Variants in SERGEF observed in about 807,000 individuals in gnomAD.
SERGEF encodes the protein secretion-regulating guanine nucleotide exchange factor.
SERGEF carries 51 observed loss-of-function variants against 50.0 expected under a neutral mutation model. That is an observed-to-expected ratio of 1.02 (90% confidence interval 0.81 to 1.29). The LOEUF (loss-of-function observed/expected upper bound fraction) is 1.29, where lower values mean the gene tolerates loss of function less well. Ranked by LOEUF, SERGEF falls within the 50% of genes most tolerant of loss-of-function variation. The pLI is 0.00. For synonymous variants in SERGEF, 205 were observed against 212.4 expected, an observed-to-expected ratio of 0.97 and a Z score of 0.30; for missense variants, 521 against 557.0, an observed-to-expected ratio of 0.94 and a Z score of 0.65.
intron 8 of SERGEF, among the ~76,000 whole-genome samples, chr11:17,970,363 T>G (rs892155477): frequency 6.6e-6 from 1 of 152,090 alleles, no homozygotes; most frequent in Admixed American, 6.6e-5. Flanking sequence ...GCAAACTTAA[T>G]CGATTGTGTT....
At chr11:17,914,213 C>G (rs574773864) in intron 9 of SERGEF, among the ~76,000 whole-genome samples, 1 of 152,168 alleles carries the variant, frequency 6.6e-6, no homozygotes, top group East Asian at 1.9e-4. Flanking sequence ...CCAAATCTTA[C>G]GGATTTTCAA....
chr11:18,000,028 A>C (rs1853926105), intron 5 of SERGEF, among the ~76,000 whole-genome samples: 1 of 152,236 alleles, frequency 6.6e-6, no homozygotes, highest in Non-Finnish European at 1.5e-5. Flanking sequence ...TGTCTTTCCT[A>C]CATGACTTCT....
In SERGEF at chr11:17,980,293, G is replaced by A. The variant is rs147756069; in HGVS notation, c.844+8304C>T. On this transcript the variant is annotated intron_variant, in intron 8 of 10. Coordinates refer to ENST00000265965, the MANE Select transcript of SERGEF (RefSeq NM_012139.4). ...AAAGTCACAAAGCTGACTCATGACCGAGCCAAAAATAGATGGCCACTCTCC... is the reference window on the plus strand; with the variant it reads ...AAAGTCACAAAGCTGACTCATGACCAAGCCAAAAATAGATGGCCACTCTCC... Among the ~76,000 whole-genome samples the A allele has an allele frequency of 1.1e-4, 16 of 152,226 alleles. No individual in the cohort carries two copies. The East Asian group carries it at 3.1e-3, about 29-fold the overall frequency.
intron 5 of SERGEF, among the ~76,000 whole-genome samples, chr11:17,998,436 CATACATATAT>C (rs1447854702): frequency 0.029 from 1,299 of 45,536 alleles, 12 homozygotes; most frequent in African/African-American, 0.051. Context: ...TACATACATA[CATACATATAT>C]ATATATATAT....
Position 17,844,830 on chromosome 11 carries a change from C to T in SERGEF, c.1048+33378G>A, listed in dbSNP as rs143785231. 5.7e-4 allele frequency among the ~76,000 whole-genome samples: 86 copies of T among 151,822 alleles called. 2 individuals are homozygous for T. Among genetic ancestry groups the T allele is most frequent in the African/African-American group, 1.9e-3 (77 of 41,358 alleles). ...ACGCCAGAGGTGTCCAATCTTTTGG[C>T]GTCCCTGGGCCACACTGGAAGAAGA... On this transcript the variant is annotated intron_variant, in intron 10 of 10. Transcript: ENST00000265965.
intron 9 of SERGEF, among the ~76,000 whole-genome samples, chr11:17,945,042 C>T (rs1738367278): frequency 6.6e-6 from 1 of 152,174 alleles, no homozygotes; most frequent in South Asian, 2.1e-4. Context: ...AGTTTCCAGT[C>T]CTAATTCTAC....
rs954679780 is a variant in SERGEF at position 17,940,789 on chromosome 11, G to A, written c.1011+18681C>T. On this transcript the variant is annotated intron_variant, in intron 9 of 10. Transcript: ENST00000265965. ...CTAGTGTTCCTTCAGTCTTACACTGGAGAAAGTAAGTGCAAAGGCTGAGAT... is the reference window on the plus strand; with the variant it reads ...CTAGTGTTCCTTCAGTCTTACACTGAAGAAAGTAAGTGCAAAGGCTGAGAT... 2.6e-5 allele frequency among the ~76,000 whole-genome samples: 4 copies of A among 152,120 alleles called. No individual in the cohort carries two copies. The East Asian group carries it at 7.7e-4, about 29-fold the overall frequency.
chr11:18,004,437 T>C lies in SERGEF; in HGVS notation c.447+4A>G. On this transcript the variant is annotated splice_donor_region_variant and intron_variant, in intron 4 of 10. Transcript: ENST00000265965. ...TGGGCAAGCTAAATATTAACTGTCC[T>C]CACCTCAATGGCCTGGGGAACCACA... is the stretch of plus-strand genomic sequence containing the variant. 6.2e-7 allele frequency: 1 copy of C among 1,608,848 alleles called. No homozygotes were observed.
intron 10 of SERGEF, among the ~76,000 whole-genome samples, chr11:17,802,671 T>A (rs905952630): frequency 6.6e-6 from 1 of 152,122 alleles, no homozygotes; most frequent in Non-Finnish European, 1.5e-5. Flanking sequence ...TGGCCAGTCA[T>A]GCTTCCAGCT....
intron 10 of SERGEF, among the ~76,000 whole-genome samples, chr11:17,812,578 G>A (rs1003838236): frequency 6.6e-6 from 1 of 152,202 alleles, no homozygotes; most frequent in African/African-American, 2.4e-5. Flanking sequence ...GAGTAGGGCA[G>A]GGATCACTTT....
At chr11:17,978,872 G>C (rs1853435489) in intron 8 of SERGEF, among the ~76,000 whole-genome samples, 1 of 152,190 alleles carries the variant, frequency 6.6e-6, no homozygotes, top group Admixed American at 6.5e-5. Flanking sequence ...GCCTACTGCT[G>C]CCATCTGGTG....
chr11:17,926,681 G>A (rs1175675644), intron 9 of SERGEF: 1 of 450,062 alleles, frequency 2.2e-6, no homozygotes, highest in African/African-American at 2.0e-5. Context: ...TGAATTGATT[G>A]TTTCCTCTAT....
chr11:17,979,145 C>T (rs921545988), intron 8 of SERGEF, among the ~76,000 whole-genome samples: 9 of 152,192 alleles, frequency 5.9e-5, no homozygotes, highest in Admixed American at 2.6e-4. Context: ...GGCCAGTACA[C>T]GGTTTCACTT....
chr11:17,941,005 C>T (rs1211404109), intron 9 of SERGEF, among the ~76,000 whole-genome samples: 2 of 152,096 alleles, frequency 1.3e-5, no homozygotes, highest in Non-Finnish European at 2.9e-5. Context: ...AAAGCTTAAA[C>T]ATACAGAAAA....
intron 10 of SERGEF, among the ~76,000 whole-genome samples, chr11:17,830,596 G>A (rs541436670): frequency 8.7e-6 from 1 of 115,330 alleles, no homozygotes; most frequent in African/African-American, 3.3e-5. Flanking sequence ...GAGAGGGAGA[G>A]AGGTGGAGAG....
chr11:17,848,726 C>T (rs1223204644), intron 10 of SERGEF, among the ~76,000 whole-genome samples: 1 of 152,146 alleles, frequency 6.6e-6, no homozygotes, highest in African/African-American at 2.4e-5. Flanking sequence ...CTATGATGAA[C>T]ATCTTTAACC....
In SERGEF at chr11:17,854,239, C is replaced by T. The variant is rs544884465; in HGVS notation, c.1048+23969G>A. ...GTAGCTCTGCTTCATTAAGCTTTCTCTACAGAACCAACTCCCCGACTTCTC... is the reference window on the plus strand; with the variant it reads ...GTAGCTCTGCTTCATTAAGCTTTCTTTACAGAACCAACTCCCCGACTTCTC... On this transcript the variant is annotated intron_variant, in intron 10 of 10. Transcript: ENST00000265965. Among the ~76,000 whole-genome samples the T allele has an allele frequency of 4.6e-5, 7 of 152,274 alleles. No individual in the cohort carries two copies. In the South Asian group the frequency reaches 1.2e-3, roughly 27 times the overall value.
intron 2 of SERGEF, 112 bp downstream of exon 2, chr11:18,007,829 A>G: frequency 8.8e-7 from 1 of 1,142,162 alleles, no homozygotes; most frequent in Non-Finnish European, 1.2e-6. Flanking sequence ...TTTCACAAAA[A>G]TACATTATTT....
At chr11:17,985,579 T>C (rs952681086) in intron 8 of SERGEF, among the ~76,000 whole-genome samples, 1 of 152,200 alleles carries the variant, frequency 6.6e-6, no homozygotes, top group Non-Finnish European at 1.5e-5. Context: ...GAAAGGTTTC[T>C]AGAATGCAGC....
Sources: gnomAD v4.1 joint callset for allele counts (sites outside exome capture counted in the v4.1 genomes callset) on GRCh38, gnomAD v4.1.1 for gene constraint, MANE v1.5 for transcripts, NCBI Gene and HGNC (gene_info 2026-07-23, HGNC 2026-07-21) for gene names.